Variants in KCNN2 observed in about 807,000 individuals in gnomAD.
The protein encoded by KCNN2 is small conductance calcium-activated potassium channel protein 2.
A neutral mutation model predicts 55.5 loss-of-function variants in KCNN2; 24 were observed. The observed-to-expected ratio is 0.43, with a 90% confidence interval of 0.31 to 0.61. The LOEUF is 0.61. Ranked by LOEUF, KCNN2 falls within the 20% of genes least tolerant of loss-of-function variation. The pLI is 0.08. For synonymous variants in KCNN2, 431 were observed against 336.1 expected (o/e 1.28, Z -3.09); for missense variants, 754 against 853.6 (o/e 0.88, Z 1.45).
chr5:114,274,913 C>T (rs1025565254), intron 2 of KCNN2, among the ~76,000 whole-genome samples: 3 of 152,028 alleles, frequency 2.0e-5, no homozygotes, highest in South Asian at 2.1e-4. Flanking sequence ...TGTCATATGC[C>T]GGTTTTCAAA....
rs1226868621 is a variant in KCNN2, at chr5:114,487,173, C to A, written c.2014C>A (p.His672Asn). 2 of 1,612,374 alleles carry A rather than the reference C, an allele frequency of 1.2e-6. No individual in the cohort carries two copies. The highest frequency in any genetic ancestry group is 1.1e-5 in the South Asian group (1 of 91,006). Residue 672 changes from histidine (H) to asparagine (N), a missense_variant, in exon 6 of 8, where the codon CAT becomes AAT. By Grantham distance (68) the His-to-Asn change is moderately conservative. Transcript: ENST00000673685. The stretch of plus-strand genomic sequence containing the variant: ...TCAACGAAAATTCCTGCAAGCTATT[C>A]ATCAGTAAGTATCATTTTTCATTTT... ...KHQRKFLQAI[H>N]QLRSVKMEQR... is the part of the protein sequence containing the mutation.
At chr5:114,217,731 T>C (rs1229468227) in intron 1 of KCNN2, among the ~76,000 whole-genome samples, 1 of 152,060 alleles carries the variant, frequency 6.6e-6, no homozygotes, top group Non-Finnish European at 1.5e-5. Flanking sequence ...GCGTGATCCA[T>C]GAAAGAAAGA....
intron 1 of KCNN2, among the ~76,000 whole-genome samples, chr5:114,109,335 C>T (rs1454432004): frequency 6.6e-6 from 1 of 152,022 alleles, no homozygotes; most frequent in Non-Finnish European, 1.5e-5. Flanking sequence ...TACAAGTTAC[C>T]ATCTTATGTA....
intron 4 of KCNN2, among the ~76,000 whole-genome samples, chr5:114,468,760 A>G (rs1761569274): frequency 6.6e-6 from 1 of 152,190 alleles, no homozygotes; most frequent in Non-Finnish European, 1.5e-5. Context: ...TGTCTTTTTC[A>G]CAGTTGAAAT....
intron 2 of KCNN2, among the ~76,000 whole-genome samples, chr5:114,390,049 GATA>G (rs1758410907): frequency 1.3e-5 from 2 of 152,212 alleles, no homozygotes; most frequent in Admixed American, 1.3e-4. Flanking sequence ...GGGCAAATGA[GATA>G]ATAACTATGA....
intron 5 of KCNN2, among the ~76,000 whole-genome samples, chr5:114,481,584 C>T (rs535517468): frequency 6.6e-6 from 1 of 152,106 alleles, no homozygotes; most frequent in African/African-American, 2.4e-5. Context: ...TTGGAGTTGC[C>T]AAGACAATCC....
intron 1 of KCNN2, among the ~76,000 whole-genome samples, chr5:114,202,391 A>C (rs919327291): frequency 6.6e-6 from 1 of 151,646 alleles, no homozygotes; most frequent in African/African-American, 2.4e-5. Context: ...GAGTTCTATA[A>C]AATTACCTTG....
intron 2 of KCNN2, among the ~76,000 whole-genome samples, chr5:114,310,648 G>C (rs1322433148): frequency 1.3e-5 from 2 of 152,052 alleles, no homozygotes; most frequent in Non-Finnish European, 2.9e-5. Context: ...CAGAGAGATA[G>C]GACATAGGAA....
chr5:114,358,138 C>T (rs1454196921), upstream of KCNN2, among the ~76,000 whole-genome samples: 2 of 151,694 alleles, frequency 1.3e-5, no homozygotes, highest in African/African-American at 2.4e-5. Flanking sequence ...AGAGCTTCTG[C>T]ACAGCAAAAG....
In KCNN2 at chr5:114,362,862, A is replaced by C; in HGVS notation, c.723A>C (p.Ser241=). The C allele has an allele frequency of 6.3e-7, 1 of 1,599,930 alleles. No homozygotes were observed. The highest frequency in any genetic ancestry group is 8.5e-7 in the Non-Finnish European group (1 of 1,178,938). Reference sequence around the variant, plus strand: ...GCCGGAACCTGCACGAGATGGACTCAGAGGCGCAGCCCCTGCAGCCCCCCG... The same window carrying C: ...GCCGGAACCTGCACGAGATGGACTCCGAGGCGCAGCCCCTGCAGCCCCCCG... The part of the protein sequence containing the change: ...ASRRNLHEMD[S]EAQPLQPPAS... The change falls in exon 1 of 8, where the codon TCA becomes TCC. Residue 241 remains serine, a synonymous_variant. Transcript: ENST00000673685.
At chr5:114,433,003 T>A (rs1408257374) in intron 3 of KCNN2, among the ~76,000 whole-genome samples, 1 of 152,082 alleles carries the variant, frequency 6.6e-6, no homozygotes, top group African/African-American at 2.4e-5. Context: ...GCCTCCCTGA[T>A]GAGCGCCACC....
intron 2 of KCNN2, among the ~76,000 whole-genome samples, chr5:114,272,309 C>CACATATATGTATGTACATAT (rs1561548923): frequency 1.4e-4 from 7 of 49,522 alleles, no homozygotes; most frequent in African/African-American, 2.4e-4. Flanking sequence ...ACATATCACA[C>CACATATATGTATGTACATAT]ACACACATAT....
intron 3 of KCNN2, among the ~76,000 whole-genome samples, chr5:114,419,007 C>T (rs140758623): frequency 7.4e-4 from 113 of 152,244 alleles, no homozygotes; most frequent in African/African-American, 2.6e-3. Flanking sequence ...TGAAAGAGAA[C>T]GTAATAATTT....
chr5:114,215,868 T>C (rs571221935), intron 1 of KCNN2, among the ~76,000 whole-genome samples: 1 of 152,300 alleles, frequency 6.6e-6, no homozygotes, highest in Admixed American at 6.5e-5. Flanking sequence ...TGTCAGCAGT[T>C]TTTAGTACCT....
At chr5:114,422,305 G>C (rs1249533165) in intron 3 of KCNN2, among the ~76,000 whole-genome samples, 3 of 152,070 alleles carry the variant, frequency 2.0e-5, no homozygotes, top group African/African-American at 7.3e-5. Context: ...GGTCATGAGG[G>C]TGGAGCCCTC....
chr5:114,490,723 T>C, intron 6 of KCNN2: 1 of 398,182 alleles, frequency 2.5e-6, no homozygotes, highest in South Asian at 1.3e-4. Flanking sequence ...GCCGCTCCTT[T>C]CAACATTTGC....
At chr5:114,235,469 T>A (rs1754470191) in intron 2 of KCNN2, among the ~76,000 whole-genome samples, 1 of 152,198 alleles carries the variant, frequency 6.6e-6, no homozygotes, top group African/African-American at 2.4e-5. Flanking sequence ...AACTCAGATA[T>A]TCTATAAATG....
intron 1 of KCNN2, among the ~76,000 whole-genome samples, chr5:114,133,732 G>T (rs747897958): frequency 1.1e-4 from 17 of 152,132 alleles, no homozygotes; most frequent in Non-Finnish European, 1.9e-4. Context: ...AATAAGTGAA[G>T]ATCCTAACAG....
chr5:114,369,621 T>C (rs138732272), intron 2 of KCNN2, among the ~76,000 whole-genome samples: 1 of 152,294 alleles, frequency 6.6e-6, no homozygotes, highest in Non-Finnish European at 1.5e-5. Flanking sequence ...ATGTCTATAT[T>C]GCCAGCATCC....
Sources: allele counts gnomAD v4.1 joint callset (sites outside exome capture counted in the v4.1 genomes callset), GRCh38; gene constraint gnomAD v4.1.1; transcripts MANE v1.5; gene names NCBI Gene and HGNC (gene_info 2026-07-23, HGNC 2026-07-21).